MARCHF11: variants seen among roughly 807,000 people sequenced by gnomAD.
MARCHF11 encodes membrane associated ring-CH-type finger 11, also known as E3 ubiquitin-protein ligase MARCHF11.
A neutral mutation model predicts 37.3 loss-of-function variants in MARCHF11; 29 were observed. The observed-to-expected ratio is 0.78, with a 90% CI of 0.58 to 1.06. The LOEUF (loss-of-function observed/expected upper bound fraction) is 1.06, where lower values mean the gene tolerates loss of function less well. MARCHF11 is among the 50% of genes least tolerant of loss of function. The pLI is 0.00. For missense variants in MARCHF11, 482 were observed against 533.4 expected (o/e 0.90, Z 0.95); for synonymous variants, 233 against 228.0 (o/e 1.02, Z -0.20).
At chr5:16,103,344 C>T (rs898728600) in intron 2 of MARCHF11, among the ~76,000 whole-genome samples, 1 of 152,070 alleles carries the variant, frequency 6.6e-6, no homozygotes, top group African/African-American at 2.4e-5. Context: ...AGTATGTGCA[C>T]AGGACGGTGT....
Position 16,179,254 on chromosome 5 carries a change from G to A in MARCHF11, c.322C>T (p.Arg108Cys). The A allele has an allele frequency of 7.5e-7, 1 of 1,335,466 alleles. No individual in the cohort carries two copies. Among genetic ancestry groups the A allele is most frequent in the South Asian group, 1.9e-5 (1 of 53,876 alleles). The allele number at this position is 1,335,466 out of a possible 1,614,324, so 82.7% of individuals were successfully genotyped here. Reference protein sequence around the residue: ...AAGDSGEGPRRLPEAAAAKGG... With the variant: ...AAGDSGEGPRCLPEAAAAKGG... ...TTCGCTGCTGCCGCCTCCGGGAGGCGCCTCGGACCTTCCCCGGAGTCGCCG... is the reference window on the plus strand; with the variant it reads ...TTCGCTGCTGCCGCCTCCGGGAGGCACCTCGGACCTTCCCCGGAGTCGCCG... The change falls in exon 1 of 4, where the codon CGC (arginine) becomes TGC (cysteine). Residue 108 changes from arginine (R) to cysteine (C), a missense_variant. By Grantham distance (180) the Arg-to-Cys change is radical. Coordinates refer to ENST00000332432, the MANE Select transcript of MARCHF11 (RefSeq NM_001102562.3).
At chr5:16,140,611 C>T (rs931472083) in intron 2 of MARCHF11, among the ~76,000 whole-genome samples, 3 of 152,088 alleles carry the variant, frequency 2.0e-5, no homozygotes, top group East Asian at 1.9e-4. Flanking sequence ...TCTATGAAAT[C>T]GACATAACCT....
At chr5:16,104,610 A>AT (rs1223108776) in intron 2 of MARCHF11, among the ~76,000 whole-genome samples, 2 of 152,036 alleles carry the variant, frequency 1.3e-5, no homozygotes, top group African/African-American at 4.8e-5. Flanking sequence ...AATACACTTA[A>AT]TTTTTAAAAG....
At chr5:16,068,015 G>A (rs974791182) in intron 3 of MARCHF11, among the ~76,000 whole-genome samples, 5 of 152,110 alleles carry the variant, frequency 3.3e-5, no homozygotes, top group South Asian at 2.1e-4. Context: ...AATATGTAGC[G>A]AATCAAGCTA....
chr5:16,067,544 C>G lies in MARCHF11; in HGVS notation c.1136G>C (p.Arg379Pro), dbSNP rs1446576819. The part of the protein sequence containing the change: ...CGYVLLHLFN[R>P]MRPHEDLSED... ...TGATAAGTCTTCATGGGGCCTCATCCGATTGAACAGGTGCAATAACACATA... is the reference window on the plus strand; with the variant it reads ...TGATAAGTCTTCATGGGGCCTCATCGGATTGAACAGGTGCAATAACACATA... The change falls in exon 4 of 4, where the codon CGG (arginine) becomes CCG (proline). Residue 379 changes from arginine to proline, a missense_variant. Coordinates refer to ENST00000332432, the MANE Select transcript of MARCHF11 (RefSeq NM_001102562.3). 2 of 1,613,924 alleles carry G rather than the reference C, an allele frequency of 1.2e-6. No individual in the cohort carries two copies. Among genetic ancestry groups the G allele is most frequent in the Non-Finnish European group, 1.7e-6 (2 of 1,179,856 alleles).
intron 2 of MARCHF11, among the ~76,000 whole-genome samples, chr5:16,105,672 A>T (rs1442310684): frequency 1.3e-5 from 2 of 152,228 alleles, no homozygotes; most frequent in Admixed American, 6.5e-5. Context: ...GAAAGCACAG[A>T]GAAGGTAACA....
chr5:16,171,854 T>C (rs1738272197), intron 2 of MARCHF11, among the ~76,000 whole-genome samples: 1 of 152,148 alleles, frequency 6.6e-6, no homozygotes, highest in Non-Finnish European at 1.5e-5. Flanking sequence ...AGTCGACCCA[T>C]TTCTGCCTAG....
At chr5:16,114,438 T>C (rs1474206666) in intron 2 of MARCHF11, among the ~76,000 whole-genome samples, 1 of 152,196 alleles carries the variant, frequency 6.6e-6, no homozygotes, top group East Asian at 1.9e-4. Context: ...AATTTTTGAG[T>C]TTCATTTTTG....
At chr5:16,159,650 C>A (rs564333717) in intron 2 of MARCHF11, among the ~76,000 whole-genome samples, 14 of 152,050 alleles carry the variant, frequency 9.2e-5, no homozygotes, top group African/African-American at 3.4e-4. Flanking sequence ...TTATTTCTAT[C>A]TCTTCTTTTA....
chr5:16,111,693 C>T (rs374200732), intron 2 of MARCHF11, among the ~76,000 whole-genome samples: 92 of 152,262 alleles, frequency 6.0e-4, no homozygotes, highest in African/African-American at 2.0e-3. Context: ...GCATAAGTAA[C>T]GAGGAGCCAA....
chr5:16,109,453 T>C (rs2126569226), intron 2 of MARCHF11, among the ~76,000 whole-genome samples: 1 of 152,350 alleles, frequency 6.6e-6, no homozygotes, highest in East Asian at 1.9e-4. Context: ...AACTTCTGGG[T>C]GGGTGAACGC....
intron 2 of MARCHF11, among the ~76,000 whole-genome samples, chr5:16,121,968 A>G (rs973592638): frequency 1.3e-5 from 2 of 152,176 alleles, no homozygotes; most frequent in Non-Finnish European, 2.9e-5. Context: ...TGCTATTATG[A>G]TGCTCTTTTG....
At chr5:16,097,060 A>C (rs1736880610) in intron 2 of MARCHF11, among the ~76,000 whole-genome samples, 1 of 152,204 alleles carries the variant, frequency 6.6e-6, no homozygotes, top group Non-Finnish European at 1.5e-5. Flanking sequence ...GTGCGCTATG[A>C]CAGGTGGGAT....
At position 16,067,300 on chromosome 5, in the gene MARCHF11, G is replaced by A. The variant is rs1736363919; in HGVS notation, c.*171C>T. ...TGACAAACCAGACAACGAAGAACAA[G>A]AGGACTCTTTTTCTCAGAAAAATGT... On this transcript the variant is annotated 3_prime_UTR_variant, in exon 4 of 4. Coordinates refer to ENST00000332432, the MANE Select transcript of MARCHF11 (RefSeq NM_001102562.3). 1 of 584,074 alleles carries A rather than the reference G, an allele frequency of 1.7e-6. No homozygotes were observed. Among genetic ancestry groups the A allele is most frequent in the Non-Finnish European group, 2.9e-6 (1 of 344,242 alleles). 36.2% of individuals were successfully genotyped at this position (584,074 alleles called of 1,614,324 possible). A position where few individuals can be genotyped will look rare whatever the true frequency, so the allele number is the denominator to read the frequency against.
chr5:16,151,280 C>G (rs1478586135), intron 2 of MARCHF11, among the ~76,000 whole-genome samples: 1 of 152,094 alleles, frequency 6.6e-6, no homozygotes, highest in African/African-American at 2.4e-5. Flanking sequence ...TATGGATGAG[C>G]ATTTAGGTCT....
intron 2 of MARCHF11, among the ~76,000 whole-genome samples, chr5:16,116,386 T>G (rs1202819743): frequency 1.3e-5 from 2 of 151,822 alleles, no homozygotes; most frequent in Non-Finnish European, 2.9e-5. Flanking sequence ...TAACAAGGAG[T>G]TGAGATTGCA....
intron 2 of MARCHF11, among the ~76,000 whole-genome samples, chr5:16,102,851 G>A (rs992159963): frequency 5.3e-5 from 8 of 152,188 alleles, no homozygotes; most frequent in African/African-American, 1.9e-4. Flanking sequence ...CCTGGCTCCT[G>A]GAGCCACTCA....
intron 3 of MARCHF11, among the ~76,000 whole-genome samples, chr5:16,069,352 T>C (rs1305055163): frequency 6.6e-6 from 1 of 152,018 alleles, no homozygotes; most frequent in Non-Finnish European, 1.5e-5. Flanking sequence ...TTCATGGTAG[T>C]GAAGAAGGAA....
chr5:16,136,514 C>CAA (rs1737614076), intron 2 of MARCHF11, among the ~76,000 whole-genome samples: 1 of 152,104 alleles, frequency 6.6e-6, no homozygotes, highest in Non-Finnish European at 1.5e-5. Context: ...AGCAAAATGA[C>CAA]TAGCAGTGAT....
Sources: allele counts gnomAD v4.1 joint callset (sites outside exome capture counted in the v4.1 genomes callset), GRCh38; gene constraint gnomAD v4.1.1; transcripts MANE v1.5; gene names NCBI Gene and HGNC (gene_info 2026-07-23, HGNC 2026-07-21).